The following SCMH1 variants were observed in gnomAD, a reference collection of about 807,000 sequenced individuals.
The protein encoded by SCMH1 is Scm polycomb group protein homolog 1, also known as polycomb protein SCMH1.
In SCMH1, 37 loss-of-function variants were observed where a neutral mutation model predicts 70.8. The ratio of observed to expected loss-of-function variants is 0.52; its 90% CI spans 0.40 to 0.69. The LOEUF (loss-of-function observed/expected upper bound fraction) is 0.69. Among genes scored for constraint, SCMH1 ranks in the 30% least tolerant of loss-of-function variants. The probability of loss-of-function intolerance (pLI) is 0.00; values close to 1 mark genes in which losing one functional copy is unlikely to be tolerated. For synonymous variants in SCMH1, 292 were observed against 307.4 expected, an observed-to-expected ratio of 0.95 and a Z score of 0.52; for missense variants, 607 against 827.3, an observed-to-expected ratio of 0.73 and a Z score of 3.27.
intron 8 of SCMH1, chr1:41,099,081 T>G (rs1276543865): frequency 1.2e-5 from 3 of 242,010 alleles, no homozygotes; most frequent in Non-Finnish European, 1.7e-5. Flanking sequence ...GATGTTTGAC[T>G]GGCTCCTGAT....
At chr1:41,042,701 T>C (rs1646355188) in intron 12 of SCMH1, among the ~76,000 whole-genome samples, 1 of 152,178 alleles carries the variant, frequency 6.6e-6, no homozygotes, top group Non-Finnish European at 1.5e-5. Flanking sequence ...TGGGCCAGAG[T>C]ACCTCTGTGC....
chr1:41,135,830 A>G lies in SCMH1; in HGVS notation c.412+7048T>C, dbSNP rs115366014. Among the ~76,000 whole-genome samples the G allele has an allele frequency of 7.7e-3, 1,178 of 152,274 alleles. 20 individuals carry two copies. The highest frequency in any genetic ancestry group is 0.027 in the African/African-American group (1,134 of 41,560). ...AAGTTCTGCTGGGTATTGTTGAACTACAACTCAACTAGCACTAAGACTATC... is the reference window on the plus strand; with the variant it reads ...AAGTTCTGCTGGGTATTGTTGAACTGCAACTCAACTAGCACTAAGACTATC... On this transcript the variant is annotated intron_variant, in intron 6 of 14. Transcript: ENST00000337495.
intron 1 of SCMH1, among the ~76,000 whole-genome samples, chr1:41,235,942 T>C (rs1301345363): frequency 1.3e-5 from 2 of 152,234 alleles, no homozygotes. Flanking sequence ...CATTTCACTA[T>C]TGTATGGAAT....
chr1:41,230,605 C>A (rs1661119164), intron 1 of SCMH1, among the ~76,000 whole-genome samples: 1 of 151,502 alleles, frequency 6.6e-6, no homozygotes, highest in African/African-American at 2.4e-5. Context: ...CAGCAGTGAG[C>A]TATGATCGCA....
chr1:41,075,133 G>C, intron 9 of SCMH1, 86 bp downstream of exon 9: 1 of 1,309,816 alleles, frequency 7.6e-7, no homozygotes, highest in East Asian at 2.3e-5. Flanking sequence ...TTAAGTGCTG[G>C]GATTACAGGC....
At chr1:41,241,121 A>G (rs1378249704) in intron 1 of SCMH1, among the ~76,000 whole-genome samples, 1 of 152,246 alleles carries the variant, frequency 6.6e-6, no homozygotes, top group East Asian at 1.9e-4. Context: ...GGTTTCCTTT[A>G]AAGAGATTCG....
chr1:41,174,854 T>A (rs540260003), intron 2 of SCMH1, among the ~76,000 whole-genome samples: 4 of 152,360 alleles, frequency 2.6e-5, no homozygotes, highest in African/African-American at 9.6e-5. Flanking sequence ...AGTTACAGGC[T>A]ATCAGGAGAA....
At chr1:41,183,564 C>T (rs1306216518) in intron 2 of SCMH1, among the ~76,000 whole-genome samples, 1 of 147,518 alleles carries the variant, frequency 6.8e-6, no homozygotes, top group Non-Finnish European at 1.5e-5. Context: ...GTAGTGCCAC[C>T]TCCTACATTT....
chr1:41,079,462 T>C (rs1365320940), intron 8 of SCMH1, among the ~76,000 whole-genome samples: 1 of 152,068 alleles, frequency 6.6e-6, no homozygotes, highest in East Asian at 1.9e-4. Flanking sequence ...AATAATGTAC[T>C]CTATAAACAC....
Position 41,110,017 on chromosome 1 carries a change from G to A in SCMH1, c.745+3266C>T, listed in dbSNP as rs995715087. Among the ~76,000 whole-genome samples the A allele has an allele frequency of 1.9e-4, 29 of 152,186 alleles. 1 individual carries two copies. Among genetic ancestry groups the A allele is most frequent in the Non-Finnish European group, 1.5e-5 (1 of 68,040 alleles). Reference sequence around the variant, plus strand: ...AGCCTCAAGTAACAAAAATGACTCTGCTATCAGTTCCAAGGTACCTCGCTT... The same window carrying A: ...AGCCTCAAGTAACAAAAATGACTCTACTATCAGTTCCAAGGTACCTCGCTT... On this transcript the variant is annotated intron_variant, in intron 8 of 14. Transcript: ENST00000337495.
At chr1:41,100,342 T>C (rs1666237174) in intron 8 of SCMH1, among the ~76,000 whole-genome samples, 1 of 152,114 alleles carries the variant, frequency 6.6e-6, no homozygotes, top group South Asian at 2.1e-4. Flanking sequence ...CCCAGTCTTA[T>C]AAATTACCAT....
intron 8 of SCMH1, among the ~76,000 whole-genome samples, chr1:41,088,284 G>T (rs1662328197): frequency 6.6e-6 from 1 of 152,080 alleles, no homozygotes; most frequent in African/African-American, 2.4e-5. Context: ...GGGTAGTGGT[G>T]GTGGAAGGAA....
chr1:41,222,750 A>G (rs1419064347), intron 1 of SCMH1, among the ~76,000 whole-genome samples: 2 of 152,166 alleles, frequency 1.3e-5, no homozygotes, highest in Non-Finnish European at 2.9e-5. Flanking sequence ...AACACTCAAG[A>G]AGAGTCCTAG....
At chr1:41,181,441 T>C (rs1016113199) in intron 2 of SCMH1, among the ~76,000 whole-genome samples, 11 of 152,104 alleles carry the variant, frequency 7.2e-5, no homozygotes, top group Middle Eastern at 3.2e-3. Flanking sequence ...ATTTTTGCAA[T>C]CTACTCATCT....
intron 13 of SCMH1, 108 bp from the exon 15 acceptor site, chr1:41,028,834 G>T: frequency 8.2e-7 from 1 of 1,213,312 alleles, no homozygotes. Context: ...TCACAGTAGT[G>T]CCAGACGATG....
At position 41,231,562 on chromosome 1, in the gene SCMH1, T is replaced by C. The variant is rs75899844; in HGVS notation, c.-118+10497A>G. Among the ~76,000 whole-genome samples the C allele has an allele frequency of 3.3e-4, 50 of 152,322 alleles. 1 individual carries two copies. In the East Asian group the frequency reaches 8.3e-3, roughly 25 times the overall value. The stretch of plus-strand genomic sequence containing the variant: ...ACCTTATTAACTAAAGTCCACACTT[T>C]ATTCAGACTTCCCTAATTTTTACCT... On this transcript the variant is annotated intron_variant, in intron 1 of 14. Transcript: ENST00000337495.
In SCMH1 at chr1:41,033,978, C is replaced by T. The variant is rs925506822; in HGVS notation, c.1678+3384G>A. 6.2e-7 allele frequency: 1 copy of T among 1,614,100 alleles called. No individual in the cohort carries two copies. Among genetic ancestry groups the T allele is most frequent in the African/African-American group, 1.3e-5 (1 of 75,066 alleles). ...AGATAAAAATAACAGTAACTCCCCT[C>T]ATACCTGGGGAACGATTTAGTTTCC... On this transcript the variant is annotated intron_variant, in intron 13 of 14. Transcript: ENST00000337495.
At chr1:41,080,999 A>T (rs1385143952) in intron 8 of SCMH1, among the ~76,000 whole-genome samples, 1 of 152,220 alleles carries the variant, frequency 6.6e-6, no homozygotes, top group African/African-American at 2.4e-5. Context: ...TTGTTTACAT[A>T]AATATTCCTC....
chr1:41,217,844 C>T (rs1557850469), intron 1 of SCMH1, among the ~76,000 whole-genome samples: 4 of 152,210 alleles, frequency 2.6e-5, no homozygotes, highest in Non-Finnish European at 4.4e-5. Flanking sequence ...TATTCTCAGG[C>T]TCTGAAATCT....
Sources: gnomAD v4.1 joint callset for allele counts (sites outside exome capture counted in the v4.1 genomes callset) on GRCh38, gnomAD v4.1.1 for gene constraint, MANE v1.5 for transcripts, NCBI Gene and HGNC (gene_info 2026-07-23, HGNC 2026-07-21) for gene names.